The following FAM228B variants were observed in gnomAD, a reference collection of about 807,000 sequenced individuals.
The protein encoded by FAM228B is protein FAM228B.
FAM228B carries 38 observed loss-of-function variants against 42.6 expected under a neutral mutation model. The ratio of observed to expected loss-of-function variants is 0.89; its 90% CI spans 0.69 to 1.17. FAM228B has a LOEUF of 1.17. Ranked by LOEUF, FAM228B falls within the 50% of genes most tolerant of loss-of-function variation. FAM228B has a pLI of 0.00. For synonymous variants in FAM228B, 109 were observed against 122.3 expected, an observed-to-expected ratio of 0.89 and a Z score of 0.72; for missense variants, 344 against 367.3, an observed-to-expected ratio of 0.94 and a Z score of 0.52.
chr2:24,167,955 C>G, intron 10 of FAM228B: 1 of 379,036 alleles, frequency 2.6e-6, no homozygotes. Flanking sequence ...AATTTCTCAC[C>G]GGATTTCTTT....
upstream of FAM228B, among the ~76,000 whole-genome samples, chr2:24,121,911 G>A (rs1013385445): frequency 3.3e-5 from 5 of 152,180 alleles, no homozygotes; most frequent in African/African-American, 7.2e-5. Flanking sequence ...GTAGAACTGT[G>A]AGCCAAATAA....
chr2:24,105,960 G>A (rs1281339462), intron 3 of FAM228B, among the ~76,000 whole-genome samples: 1 of 152,156 alleles, frequency 6.6e-6, no homozygotes. Context: ...AGAAATATGG[G>A]ATTATGTAAT....
At chr2:24,119,748 C>T (rs1666037611), upstream of FAM228B, 1 of 1,207,840 alleles carries the variant, frequency 8.3e-7, no homozygotes, top group African/African-American at 1.5e-5. Context: ...GGTCATGCTC[C>T]AGCTACGTTT....
chr2:24,150,743 T>C (rs992408489), intron 7 of FAM228B, among the ~76,000 whole-genome samples: 1 of 152,180 alleles, frequency 6.6e-6, no homozygotes, highest in Non-Finnish European at 1.5e-5. Flanking sequence ...ACTTTAAATA[T>C]GTCATGCCAC....
chr2:24,122,267 A>C (rs1024939450), upstream of FAM228B: 3 of 627,732 alleles, frequency 4.8e-6, no homozygotes, highest in East Asian at 5.5e-5. Flanking sequence ...CGGAGGTTGC[A>C]GTGAGCTGAG....
chr2:24,124,467 A>G lies in FAM228B; in HGVS notation c.99+7A>G, dbSNP rs752846634. ...GCCCCTTTGTTTTATGGAGGTATATATCAAATAGTGTGGGATTTGGAGATT... is the reference window on the plus strand; with the variant it reads ...GCCCCTTTGTTTTATGGAGGTATATGTCAAATAGTGTGGGATTTGGAGATT... On this transcript the variant is annotated splice_region_variant and intron_variant, in intron 2 of 10. Coordinates refer to ENST00000615575, the MANE Select transcript of FAM228B (RefSeq NM_001145710.2). 3.8e-5 allele frequency: 58 copies of G among 1,525,488 alleles called. No homozygotes were observed. The highest frequency in any genetic ancestry group is 1.1e-5 in the Non-Finnish European group (12 of 1,132,756). The allele number at this position is 1,525,488 out of a possible 1,614,324, so 94.5% of individuals were successfully genotyped here. A position where few individuals can be genotyped will look rare whatever the true frequency, so the allele number is the denominator to read the frequency against.
At chr2:24,167,507 TCTC>T (rs1204463162) in intron 9 of FAM228B, 117 bp from the exon 10 acceptor site, 4 of 1,361,800 alleles carry the variant, frequency 2.9e-6, no homozygotes, top group Admixed American at 2.1e-5. Context: ...GGTTGGTTCT[TCTC>T]CTGCCCTGGG....
At chr2:24,156,788 A>G (rs1010366599) in intron 7 of FAM228B, among the ~76,000 whole-genome samples, 42 of 79,882 alleles carry the variant, frequency 5.3e-4, no homozygotes, top group Non-Finnish European at 8.2e-4. Context: ...CCCCCCCCCC[A>G]GCTTTTTGTT....
At chr2:24,125,069 A>T (rs985649353) in intron 2 of FAM228B, among the ~76,000 whole-genome samples, 3 of 152,186 alleles carry the variant, frequency 2.0e-5, no homozygotes, top group Non-Finnish European at 4.4e-5. Flanking sequence ...ATTGATATAC[A>T]GTAAACTGCA....
Position 24,146,925 on chromosome 2 carries a change from T to A in FAM228B, c.530-5T>A. On this transcript the variant is annotated splice_polypyrimidine_tract_variant and splice_region_variant and intron_variant, in intron 6 of 10. Transcript: ENST00000615575. Reference sequence around the variant, plus strand: ...TGTTAATTTAGATTTTTATTCTTCCTTCAGGCAAAATATATTCAATAAAGG... The same window carrying A: ...TGTTAATTTAGATTTTTATTCTTCCATCAGGCAAAATATATTCAATAAAGG... 3 of 1,550,596 alleles carry A rather than the reference T, an allele frequency of 1.9e-6. No homozygotes were observed. The South Asian group carries it at 3.6e-5, about 18-fold the overall frequency.
chr2:24,126,913 C>G (rs570965089), intron 2 of FAM228B, among the ~76,000 whole-genome samples: 2 of 152,158 alleles, frequency 1.3e-5, no homozygotes, highest in African/African-American at 4.8e-5. Context: ...CGTGAGCCAC[C>G]GGGCGCCCGG....
intron 10 of FAM228B, among the ~76,000 whole-genome samples, chr2:24,168,493 T>C (rs946710886): frequency 5.3e-5 from 8 of 152,120 alleles, no homozygotes; most frequent in African/African-American, 1.7e-4. Flanking sequence ...TGGGGAGATA[T>C]AGGCCTAACT....
At chr2:24,079,339 A>C (rs1664894948) in intron 1 of FAM228B, 1 of 1,285,912 alleles carries the variant, frequency 7.8e-7, no homozygotes, top group African/African-American at 1.5e-5. Flanking sequence ...TCTTCATAGA[A>C]ACTAACCTCC....
intron 2 of FAM228B, among the ~76,000 whole-genome samples, chr2:24,091,230 G>C (rs1331244866): frequency 2.0e-5 from 3 of 152,114 alleles, no homozygotes; most frequent in African/African-American, 7.2e-5. Flanking sequence ...TCAGGAGATC[G>C]AGACCATCCT....
At chr2:24,104,770 T>C (rs1428899345) in intron 3 of FAM228B, among the ~76,000 whole-genome samples, 2 of 151,878 alleles carry the variant, frequency 1.3e-5, no homozygotes, top group Admixed American at 6.6e-5. Flanking sequence ...CCTGTTGTCA[T>C]AGGAAGCACC....
At chr2:24,083,455 G>A (rs1387790959) in intron 2 of FAM228B, among the ~76,000 whole-genome samples, 3 of 152,118 alleles carry the variant, frequency 2.0e-5, no homozygotes, top group Non-Finnish European at 2.9e-5. Flanking sequence ...AGTGGGATTA[G>A]GAACCTTGAC....
chr2:24,167,711 A>C, intron 10 of FAM228B, 28 bp downstream of exon 10: 1 of 1,550,432 alleles, frequency 6.4e-7, no homozygotes, highest in Non-Finnish European at 8.7e-7. Flanking sequence ...TTCCCTTCTT[A>C]CTCTCCTATT....
rs1247561756 is a variant in FAM228B, at chr2:24,155,539, T to A, written c.687-5967T>A. Among the ~76,000 whole-genome samples the A allele has an allele frequency of 3.7e-4, 37 of 99,312 alleles. No homozygotes were observed. In the East Asian group the frequency reaches 7.0e-3, roughly 19 times the overall value. The allele number at this position is 99,312 out of a possible 152,430, so 65.2% of individuals were successfully genotyped here. A position where few individuals can be genotyped will look rare whatever the true frequency, so the allele number is the denominator to read the frequency against. ...TATATATATATATATATATTTTTTT[T>A]TTTTTTTTTTTTTTTTTTGAGATGG... On this transcript the variant is annotated intron_variant, in intron 7 of 10. Coordinates refer to ENST00000615575, the MANE Select transcript of FAM228B (RefSeq NM_001145710.2).
At chr2:24,090,683 G>T (rs1665371340) in intron 2 of FAM228B, among the ~76,000 whole-genome samples, 1 of 151,432 alleles carries the variant, frequency 6.6e-6, no homozygotes, top group South Asian at 2.1e-4. Context: ...AATTAAAGGA[G>T]AAAACACCAT....
Sources: gnomAD v4.1 joint callset for allele counts (sites outside exome capture counted in the v4.1 genomes callset) on GRCh38, gnomAD v4.1.1 for gene constraint, MANE v1.5 for transcripts, NCBI Gene and HGNC (gene_info 2026-07-23, HGNC 2026-07-21) for gene names.